The following NTM variants were observed in gnomAD, a reference collection of about 807,000 sequenced individuals.
NTM encodes IgLON family member 2.
In NTM, 13 loss-of-function variants were observed where a neutral mutation model predicts 42.1. The observed-to-expected ratio is 0.31, with a 90% CI of 0.20 to 0.49. NTM has a LOEUF of 0.49. Ranked by LOEUF, NTM falls within the 20% of genes least tolerant of loss-of-function variation. The probability of loss-of-function intolerance (pLI) is 0.99; values close to 1 mark genes in which losing one functional copy is unlikely to be tolerated. For missense variants in NTM, 373 were observed against 452.8 expected (o/e 0.82, Z 1.60); for synonymous variants, 187 against 179.2 (o/e 1.04, Z -0.35).
At chr11:131,648,942 A>C (rs1308977551) in intron 1 of NTM, among the ~76,000 whole-genome samples, 1 of 152,250 alleles carries the variant, frequency 6.6e-6, no homozygotes, top group East Asian at 1.9e-4. Flanking sequence ...CCAGGGTTAC[A>C]TGAATTCAAA....
chr11:131,792,990 G>A (rs2091138630), intron 1 of NTM, among the ~76,000 whole-genome samples: 1 of 152,148 alleles, frequency 6.6e-6, no homozygotes, highest in Non-Finnish European at 1.5e-5. Flanking sequence ...GAGCAGTTAG[G>A]GAAATGCACA....
intron 3 of NTM, among the ~76,000 whole-genome samples, chr11:132,182,616 A>G (rs1289558562): frequency 2.0e-5 from 3 of 152,168 alleles, no homozygotes; most frequent in Non-Finnish European, 4.4e-5. Context: ...GGTGGTGAAA[A>G]CAGTAATGAT....
At chr11:131,621,636 C>CAAA (rs527788930) in intron 1 of NTM, among the ~76,000 whole-genome samples, 1 of 98,998 alleles carries the variant, frequency 1.0e-5, no homozygotes, top group Non-Finnish European at 2.0e-5. Flanking sequence ...CCTATCTTTA[C>CAAA]AAAAAAAAAA....
intron 7 of NTM, among the ~76,000 whole-genome samples, chr11:132,329,619 G>T (rs2095757952): frequency 6.6e-6 from 1 of 152,206 alleles, no homozygotes. Flanking sequence ...ACTCACCAGT[G>T]TTTCTAAATG....
intron 2 of NTM, among the ~76,000 whole-genome samples, chr11:132,086,098 G>A (rs988902992): frequency 6.6e-6 from 1 of 152,040 alleles, no homozygotes; most frequent in Non-Finnish European, 1.5e-5. Flanking sequence ...GCCGAGGTGG[G>A]TGGATCACGA....
intron 1 of NTM, among the ~76,000 whole-genome samples, chr11:131,417,695 A>C (rs1389183909): frequency 6.6e-6 from 1 of 152,194 alleles, no homozygotes; most frequent in Non-Finnish European, 1.5e-5. Context: ...AAAAATGATC[A>C]AGAAATAAGG....
At chr11:131,893,026 C>T (rs551225890) in intron 1 of NTM, among the ~76,000 whole-genome samples, 1 of 152,272 alleles carries the variant, frequency 6.6e-6, no homozygotes, top group African/African-American at 2.4e-5. Context: ...GGGATTCTAC[C>T]TTGTCTGGAA....
chr11:132,251,852 G>A (rs1009730792), intron 4 of NTM, among the ~76,000 whole-genome samples: 1 of 152,198 alleles, frequency 6.6e-6, no homozygotes, highest in African/African-American at 2.4e-5. Context: ...AGGGCCAAAG[G>A]GCAAATGTAG....
intron 4 of NTM, among the ~76,000 whole-genome samples, chr11:132,256,532 T>C (rs35673586): frequency 6.6e-6 from 1 of 152,204 alleles, no homozygotes; most frequent in Non-Finnish European, 1.5e-5. Context: ...TCATTCTCTG[T>C]GCTCTTCCTC....
At chr11:132,099,075 C>A (rs2061352051) in intron 2 of NTM, among the ~76,000 whole-genome samples, 1 of 152,230 alleles carries the variant, frequency 6.6e-6, no homozygotes, top group Admixed American at 6.5e-5. Context: ...CTTGTAACCA[C>A]CTGCCTCTTA....
chr11:131,744,863 A>T (rs987729477), intron 1 of NTM, among the ~76,000 whole-genome samples: 3 of 152,202 alleles, frequency 2.0e-5, no homozygotes, highest in Non-Finnish European at 4.4e-5. Flanking sequence ...CCGGTGTGTC[A>T]GTGCAGCGTT....
intron 4 of NTM, among the ~76,000 whole-genome samples, chr11:132,254,098 T>C (rs1397485563): frequency 1.3e-5 from 2 of 152,154 alleles, no homozygotes; most frequent in African/African-American, 4.8e-5. Context: ...ATCCAGACTC[T>C]TCCTGTCCAC....
At chr11:132,111,306 A>T (rs1300036964) in intron 2 of NTM, among the ~76,000 whole-genome samples, 1 of 151,562 alleles carries the variant, frequency 6.6e-6, no homozygotes. Flanking sequence ...TTATATATAC[A>T]TATATATTTT....
chr11:132,102,156 A>G (rs1274826567), intron 2 of NTM, among the ~76,000 whole-genome samples: 2 of 152,222 alleles, frequency 1.3e-5, no homozygotes, highest in Admixed American at 6.5e-5. Flanking sequence ...TTCAGATGGT[A>G]TCCCTTTCAG....
At chr11:131,598,740 T>TTTCTTTCTTTC (rs1565685440) in intron 1 of NTM, among the ~76,000 whole-genome samples, 3 of 82,004 alleles carry the variant, frequency 3.7e-5, no homozygotes, top group Non-Finnish European at 8.2e-5. Flanking sequence ...TCTTTCTTTC[T>TTTCTTTCTTTC]TTCTTTCTTT....
intron 3 of NTM, among the ~76,000 whole-genome samples, chr11:132,204,481 A>G (rs1165378320): frequency 1.3e-5 from 2 of 152,206 alleles, no homozygotes; most frequent in Non-Finnish European, 2.9e-5. Context: ...GTAGCAAGCC[A>G]GGCAGGCTGG....
intron 1 of NTM, among the ~76,000 whole-genome samples, chr11:131,528,296 A>C (rs989549981): frequency 1.3e-5 from 2 of 152,168 alleles, no homozygotes; most frequent in African/African-American, 4.8e-5. Flanking sequence ...TGTTTGATCC[A>C]TTGAGATAGC....
intron 2 of NTM, among the ~76,000 whole-genome samples, chr11:132,145,646 C>T (rs1386120656): frequency 6.6e-6 from 1 of 152,138 alleles, no homozygotes; most frequent in African/African-American, 2.4e-5. Flanking sequence ...AGCAGTTAAC[C>T]GAACATTTCT....
At chr11:132,255,687 G>A (rs908086677) in intron 4 of NTM, among the ~76,000 whole-genome samples, 1 of 152,152 alleles carries the variant, frequency 6.6e-6, no homozygotes, top group African/African-American at 2.4e-5. Context: ...CTCATCTGCT[G>A]AACCACCTGA....
Sources: allele counts gnomAD v4.1 joint callset (sites outside exome capture counted in the v4.1 genomes callset), GRCh38; gene constraint gnomAD v4.1.1; transcripts MANE v1.5; gene names NCBI Gene and HGNC (gene_info 2026-07-23, HGNC 2026-07-21).